Variants in GABRG3 observed in about 807,000 individuals in gnomAD.
GABRG3 encodes gamma-aminobutyric acid receptor subunit gamma-3.
A neutral mutation model predicts 48.8 loss-of-function variants in GABRG3; 25 were observed. The ratio of observed to expected loss-of-function variants is 0.51; its 90% CI spans 0.37 to 0.72. The LOEUF is 0.72. GABRG3 is among the 30% of genes least tolerant of loss of function. The pLI is 0.00. For missense variants in GABRG3, 394 were observed against 577.9 expected (o/e 0.68, Z 3.26); for synonymous variants, 227 against 217.6 (o/e 1.04, Z -0.38).
chr15:27,468,623 T>C (rs1889689759), intron 5 of GABRG3, among the ~76,000 whole-genome samples: 1 of 152,180 alleles, frequency 6.6e-6, no homozygotes, highest in Admixed American at 6.5e-5. Context: ...TTCTATTCTC[T>C]TGTGACCACA....
chr15:27,083,385 T>C (rs950123965), intron 3 of GABRG3, among the ~76,000 whole-genome samples: 4 of 146,550 alleles, frequency 2.7e-5, no homozygotes, highest in Admixed American at 6.9e-5. Flanking sequence ...AAGGCTGGCG[T>C]GTAGTGGTGC....
At chr15:27,420,813 G>A (rs1337547282) in intron 5 of GABRG3, 3 of 152,082 alleles carry the variant, frequency 2.0e-5, no homozygotes, top group Non-Finnish European at 4.4e-5. Flanking sequence ...ATGTGGCAAA[G>A]AAAAACTAAA....
intron 5 of GABRG3, among the ~76,000 whole-genome samples, chr15:27,414,338 C>T (rs1203972724): frequency 6.6e-6 from 1 of 152,048 alleles, no homozygotes; most frequent in African/African-American, 2.4e-5. Flanking sequence ...CTCAGGTCAC[C>T]TCTGTGGGCA....
At chr15:27,517,120 G>A (rs1891038178) in intron 6 of GABRG3, among the ~76,000 whole-genome samples, 1 of 86,278 alleles carries the variant, frequency 1.2e-5, no homozygotes. Context: ...ACTTTGACTA[G>A]TGCCGCCTCT....
intron 3 of GABRG3, among the ~76,000 whole-genome samples, chr15:27,091,496 T>C (rs1054534101): frequency 6.6e-6 from 1 of 152,200 alleles, no homozygotes; most frequent in African/African-American, 2.4e-5. Flanking sequence ...GAGTTAGAAG[T>C]TTCCTCCTCT....
chr15:27,364,602 GTTT>G (rs1402356099), intron 5 of GABRG3: 4 of 152,206 alleles, frequency 2.6e-5, no homozygotes, highest in African/African-American at 9.7e-5. Context: ...TGTGTCTCTG[GTTT>G]TTCACCAACA....
chr15:27,213,643 GGGCTCATCCAAAACA>G (rs1367922980), intron 3 of GABRG3, among the ~76,000 whole-genome samples: 1 of 152,170 alleles, frequency 6.6e-6, no homozygotes, highest in Non-Finnish European at 1.5e-5. Context: ...CCTTGTGCAG[GGGCTCATCCAAAACA>G]GCGGCCTCCC....
Position 27,303,947 on chromosome 15 carries a change from T to C in GABRG3, c.271-22862T>C, listed in dbSNP as rs540354581. Among the ~76,000 whole-genome samples the C allele has an allele frequency of 5.3e-5, 8 of 151,962 alleles. No individual in the cohort carries two copies. The South Asian group carries it at 1.7e-3, about 32-fold the overall frequency. On this transcript the variant is annotated intron_variant, in intron 3 of 9. Coordinates refer to ENST00000615808, the MANE Select transcript of GABRG3 (RefSeq NM_033223.5). ...GACTAGTTCAGTACTCTGAAAATAA[T>C]TAATGTAATTGACCATATTAATAAC...
At chr15:27,253,555 A>G (rs1566981157) in intron 3 of GABRG3, among the ~76,000 whole-genome samples, 1 of 152,186 alleles carries the variant, frequency 6.6e-6, no homozygotes, top group Non-Finnish European at 1.5e-5. Context: ...CTTCTACTGT[A>G]AGTTATGAAA....
At chr15:27,001,910 T>C (rs943317072) in intron 2 of GABRG3, among the ~76,000 whole-genome samples, 3 of 151,504 alleles carry the variant, frequency 2.0e-5, no homozygotes, top group Admixed American at 6.6e-5. Context: ...TTTTAAGATA[T>C]GGTCAGTGCA....
chr15:27,385,441 T>G (rs1895892805), intron 5 of GABRG3, among the ~76,000 whole-genome samples: 1 of 151,810 alleles, frequency 6.6e-6, no homozygotes, highest in Non-Finnish European at 1.5e-5. Flanking sequence ...TCAACCATGA[T>G]TTTTTAGAAC....
intron 3 of GABRG3, among the ~76,000 whole-genome samples, chr15:27,314,799 TCA>T (rs1446157611): frequency 6.6e-6 from 1 of 152,116 alleles, no homozygotes; most frequent in African/African-American, 2.4e-5. Context: ...AATAACACAG[TCA>T]CAGAAAAATA....
intron 3 of GABRG3, among the ~76,000 whole-genome samples, chr15:27,270,467 G>A (rs1566988135): frequency 1.3e-5 from 2 of 152,268 alleles, no homozygotes; most frequent in South Asian, 4.1e-4. Context: ...TTGAAAGATA[G>A]TAAGTGAAGT....
At chr15:27,079,098 C>T (rs1361993291) in intron 3 of GABRG3, among the ~76,000 whole-genome samples, 1 of 152,080 alleles carries the variant, frequency 6.6e-6, no homozygotes. Flanking sequence ...ACCGTTTCCC[C>T]CAGACCCTGC....
chr15:27,481,002 G>A, intron 6 of GABRG3: 1 of 1,372,652 alleles, frequency 7.3e-7, no homozygotes, highest in Non-Finnish European at 9.4e-7. Flanking sequence ...AATCCAGGCT[G>A]TGTTTGCATA....
At chr15:26,979,069 G>A (rs1895004172) in intron 2 of GABRG3, among the ~76,000 whole-genome samples, 1 of 152,126 alleles carries the variant, frequency 6.6e-6, no homozygotes, top group Non-Finnish European at 1.5e-5. Flanking sequence ...TTATGACTAA[G>A]TATTTTGTTT....
chr15:27,231,449 A>G (rs1381653354), intron 3 of GABRG3, among the ~76,000 whole-genome samples: 3 of 152,216 alleles, frequency 2.0e-5, no homozygotes, highest in Non-Finnish European at 2.9e-5. Flanking sequence ...TGAGCGGGGT[A>G]GGGAGAAGAG....
At chr15:27,026,669 A>G (rs1359760476) in intron 2 of GABRG3, 85 bp from the exon 3 acceptor site, 9 of 826,106 alleles carry the variant, frequency 1.1e-5, no homozygotes, top group South Asian at 1.9e-5. Context: ...TTGTGATGCT[A>G]TGTATGAGAC....
intron 6 of GABRG3, among the ~76,000 whole-genome samples, chr15:27,495,159 A>G (rs1301523044): frequency 2.0e-5 from 3 of 152,040 alleles, no homozygotes; most frequent in Non-Finnish European, 2.9e-5. Flanking sequence ...CCACCTTACT[A>G]CCTTCTCTTT....
Sources: gnomAD v4.1 joint callset for allele counts (sites outside exome capture counted in the v4.1 genomes callset) on GRCh38, gnomAD v4.1.1 for gene constraint, MANE v1.5 for transcripts, NCBI Gene and HGNC (gene_info 2026-07-23, HGNC 2026-07-21) for gene names.